Variants in URB1 observed in about 807,000 individuals in gnomAD.
The protein encoded by URB1 is URB1 ribosome biogenesis factor, also known as nucleolar pre-ribosomal-associated protein 1.
Under a neutral mutation model 242.3 loss-of-function variants are expected in URB1, and 197 were observed. The ratio of observed to expected loss-of-function variants is 0.81; its 90% CI spans 0.72 to 0.91. URB1 has a LOEUF of 0.91. Among genes scored for constraint, URB1 ranks in the 40% least tolerant of loss-of-function variants. The pLI, the probability that URB1 is intolerant of heterozygous loss-of-function variation, is 0.00. For missense variants in URB1, 2,721 were observed against 2,860.5 expected (o/e 0.95, Z 1.11); for synonymous variants, 1,153 against 1,201.8 (o/e 0.96, Z 0.84).
chr21:32,372,373 T>G, intron 8 of URB1, 134 bp downstream of exon 8: 1 of 1,248,264 alleles, frequency 8.0e-7, no homozygotes, highest in Non-Finnish European at 1.1e-6. Context: ...ACTACAACTG[T>G]TCAACCCTGA....
In URB1 at chr21:32,354,102, A is replaced by G. The variant is rs2033190998; in HGVS notation, c.2247T>C (p.Asp749=). 1 of 1,551,540 alleles carries G rather than the reference A, an allele frequency of 6.4e-7. No homozygotes were observed. The highest frequency in any genetic ancestry group is 8.7e-7 in the Non-Finnish European group (1 of 1,146,990). Residue 749 remains aspartate (D), a splice_region_variant and synonymous_variant, in exon 18 of 39, where the codon GAT becomes GAC. Transcript: ENST00000382751. The part of the protein sequence containing the change: ...DMSIPISHID[D]VLDMVDVLVE... Reference sequence around the variant, plus strand: ...CCAGGACATCCACCATGTCGAGAACATCTGAGACAGAAAGAGGAGAATCCA... The same window carrying G: ...CCAGGACATCCACCATGTCGAGAACGTCTGAGACAGAAAGAGGAGAATCCA...
intron 8 of URB1, among the ~76,000 whole-genome samples, chr21:32,371,885 A>C (rs938739357): frequency 6.6e-6 from 1 of 152,198 alleles, no homozygotes; most frequent in Non-Finnish European, 1.5e-5. Flanking sequence ...GAATATGATC[A>C]AAACCAGTAG....
chr21:32,338,844 A>G lies in URB1; in HGVS notation c.4373T>C (p.Leu1458Pro), dbSNP rs762771231. 7 of 1,551,534 alleles carry G rather than the reference A, an allele frequency of 4.5e-6. No individual in the cohort carries two copies. Among genetic ancestry groups the G allele is most frequent in the South Asian group, 2.4e-5 (2 of 84,048 alleles). Residue 1458 changes from leucine to proline, a missense_variant, in exon 26 of 39, where the codon CTG (leucine) becomes CCG (proline). Leu to Pro is a moderately conservative substitution (Grantham distance 98). Coordinates refer to ENST00000382751, the MANE Select transcript of URB1 (RefSeq NM_014825.3). Reference protein sequence around the residue: ...LKMLLTAVQLLYSPESSVRTK... With the variant: ...LKMLLTAVQLPYSPESSVRTK... ...GCGCACGGAGCTTTCTGGGCTGTAC[A>G]GGAGCTGTACGGCGGTGAGGAGCAT...
chr21:32,318,361 C>A (rs2032719097), intron 36 of URB1, among the ~76,000 whole-genome samples: 1 of 152,184 alleles, frequency 6.6e-6, no homozygotes, highest in Admixed American at 6.5e-5. Flanking sequence ...GGAAAAAGAT[C>A]TCCCTGAATT....
At chr21:32,331,654 T>C (rs1601126204) in intron 30 of URB1, among the ~76,000 whole-genome samples, 1 of 152,148 alleles carries the variant, frequency 6.6e-6, no homozygotes, top group East Asian at 1.9e-4. Flanking sequence ...AAGCCTGTTC[T>C]CTCTAACAAA....
intron 24 of URB1, among the ~76,000 whole-genome samples, chr21:32,343,512 T>C (rs754559906): frequency 1.3e-5 from 2 of 152,122 alleles, no homozygotes; most frequent in Non-Finnish European, 2.9e-5. Context: ...AAAAGAGTGG[T>C]TGCTTTGGAG....
chr21:32,364,555 G>A (rs999659726), intron 10 of URB1, among the ~76,000 whole-genome samples: 4 of 152,168 alleles, frequency 2.6e-5, no homozygotes, highest in African/African-American at 9.7e-5. Flanking sequence ...ACTAAATCAG[G>A]ACTACAGGAA....
intron 38 of URB1, among the ~76,000 whole-genome samples, chr21:32,316,126 CAT>C (rs2032680840): frequency 6.6e-6 from 1 of 152,178 alleles, no homozygotes; most frequent in Non-Finnish European, 1.5e-5. Context: ...CAGCTGGCCA[CAT>C]GTGAAACAGA....
intron 15 of URB1, among the ~76,000 whole-genome samples, chr21:32,357,092 T>C (rs901270952): frequency 6.6e-6 from 1 of 152,228 alleles, no homozygotes; most frequent in South Asian, 2.1e-4. Flanking sequence ...GACATAGCTC[T>C]GGAAACATGA....
Position 32,361,891 on chromosome 21 carries a change from C to A in URB1, c.1639+1G>T. ...GGTCCCCCTCACCCCTGAGACCTTA[C>A]CGCACTGGTGAGCATCGCAGGCAGC... On this transcript the variant is annotated splice_donor_variant, in intron 12 of 38. Coordinates refer to ENST00000382751, the MANE Select transcript of URB1 (RefSeq NM_014825.3). LOFTEE classifies it high-confidence loss of function. The A allele has an allele frequency of 6.4e-7, 1 of 1,550,916 alleles. No homozygotes were observed. The highest frequency in any genetic ancestry group is 8.7e-7 in the Non-Finnish European group (1 of 1,146,740).
chr21:32,318,380 G>A (rs1000416407), intron 36 of URB1, among the ~76,000 whole-genome samples: 2 of 152,140 alleles, frequency 1.3e-5, no homozygotes, highest in Admixed American at 1.3e-4. Flanking sequence ...TTCCAAGACA[G>A]TTAAAGCCTG....
In URB1 at chr21:32,314,748, G is replaced by T. The variant is rs111401706; in HGVS notation, c.*170C>A. 1.5e-4 allele frequency: 221 copies of T among 1,451,314 alleles called. No individual in the cohort carries two copies. The African/African-American group carries it at 2.7e-3, about 18-fold the overall frequency. The allele number at this position is 1,451,314 out of a possible 1,614,324, so 89.9% of individuals were successfully genotyped here. ...CAGGCCCGAGTTTATCATTTACTGGGCAGTTCAATAAAGTCCTCTCAACTT... is the reference window on the plus strand; with the variant it reads ...CAGGCCCGAGTTTATCATTTACTGGTCAGTTCAATAAAGTCCTCTCAACTT... On this transcript the variant is annotated 3_prime_UTR_variant, in exon 39 of 39. Coordinates refer to ENST00000382751, the MANE Select transcript of URB1 (RefSeq NM_014825.3).
intron 12 of URB1, 76 bp from the exon 13 acceptor site, chr21:32,361,199 G>GAAAGAAAGAA: frequency 1.1e-6 from 1 of 918,488 alleles, no homozygotes; most frequent in South Asian, 1.8e-5. Context: ...AAGAAAGAAA[G>GAAAGAAAGAA]AAAGAAAATA....
chr21:32,376,100 CTAAA>C (rs1355438202), intron 5 of URB1, among the ~76,000 whole-genome samples: 1 of 152,136 alleles, frequency 6.6e-6, no homozygotes, highest in Non-Finnish European at 1.5e-5. Flanking sequence ...TTAAAATTAA[CTAAA>C]TACTATTTGA....
rs370698184 is a variant in URB1 at position 32,361,928 on chromosome 21, C to A, written c.1603G>T (p.Asp535Tyr). The change falls in exon 12 of 39, where the codon GAT (aspartate) becomes TAT (tyrosine). Residue 535 changes from aspartate to tyrosine, a missense_variant. By Grantham distance (160) the Asp-to-Tyr change is radical. Transcript: ENST00000382751. ...QDDKKGQKRS[D>Y]GPPAACDAHQ... ...GCATCGCAGGCAGCCGGGGGCCCATCGCTCCTTTTCTGCCCTTTCTTGTCA... is the reference window on the plus strand; with the variant it reads ...GCATCGCAGGCAGCCGGGGGCCCATAGCTCCTTTTCTGCCCTTTCTTGTCA... The A allele has an allele frequency of 6.4e-7, 1 of 1,551,496 alleles. No homozygotes were observed. Among genetic ancestry groups the A allele is most frequent in the Non-Finnish European group, 8.7e-7 (1 of 1,146,854 alleles).
chr21:32,377,648 T>A (rs2033474301), intron 5 of URB1, among the ~76,000 whole-genome samples: 1 of 152,086 alleles, frequency 6.6e-6, no homozygotes. Flanking sequence ...ACATACAGGG[T>A]GACCGCCACC....
chr21:32,361,061 C>G lies in URB1; in HGVS notation c.1702G>C (p.Val568Leu), dbSNP rs1403569723. Residue 568 changes from valine to leucine, a missense_variant, in exon 13 of 39, where the codon GTG (valine) becomes CTG (leucine). By Grantham distance (32) the Val-to-Leu change is conservative (BLOSUM62 1). Transcript: ENST00000382751. ...LLQVICLYQKVVPHVVMQYNF... is the reference protein window; with the variant it reads ...LLQVICLYQKLVPHVVMQYNF... The stretch of plus-strand genomic sequence containing the variant: ...TACTGCATGACCACGTGGGGGACCA[C>G]CTTCTGGTAGAGGCATATGACCTGG... 1 of 1,551,088 alleles carries G rather than the reference C, an allele frequency of 6.4e-7. No homozygotes were observed. The highest frequency in any genetic ancestry group is 1.4e-5 in the African/African-American group (1 of 72,968).
At chr21:32,317,949 A>G in intron 36 of URB1, 32 bp from the exon 37 acceptor site, 1 of 1,549,264 alleles carries the variant, frequency 6.5e-7, no homozygotes, top group Non-Finnish European at 8.7e-7. Flanking sequence ...AGACTGAGCA[A>G]AGGCTGCTGC....
chr21:32,341,383 T>C, intron 25 of URB1, 83 bp downstream of exon 25: 1 of 1,367,452 alleles, frequency 7.3e-7, no homozygotes, highest in African/African-American at 1.5e-5. Context: ...ATTATGCTAA[T>C]AACAAGCTAT....
Sources: allele counts gnomAD v4.1 joint callset (sites outside exome capture counted in the v4.1 genomes callset), GRCh38; gene constraint gnomAD v4.1.1; transcripts MANE v1.5; gene names NCBI Gene and HGNC (gene_info 2026-07-23, HGNC 2026-07-21).